PSIP1: variants seen among roughly 807,000 people sequenced by gnomAD.
PSIP1 encodes the protein PC4 and SRSF1 interacting protein 1.
Under a neutral mutation model 74.7 loss-of-function variants are expected in PSIP1, and 19 were observed. That is an observed-to-expected ratio of 0.25 (90% CI 0.18 to 0.37). The LOEUF (loss-of-function observed/expected upper bound fraction) is 0.37. Ranked by LOEUF, PSIP1 falls within the 10% of genes least tolerant of loss-of-function variation. The pLI, the probability that PSIP1 is intolerant of heterozygous loss-of-function variation, is 1.00. For missense variants in PSIP1, 601 were observed against 614.3 expected (o/e 0.98, Z 0.23); for synonymous variants, 222 against 195.3 (o/e 1.14, Z -1.14).
At chr9:15,472,323 A>T in intron 10 of PSIP1, 4 of 1,117,834 alleles carry the variant, frequency 3.6e-6, no homozygotes, top group Non-Finnish European at 4.4e-6. Flanking sequence ...TATATGTATT[A>T]TATTATACAA....
In PSIP1 at chr9:15,472,736, C is replaced by T; in HGVS notation, c.873G>A (p.Gly291=). ...TTCTGTGAGCAGTCTGAAAGTTCCT[C>T]CCACCTTTTCTCTTCTGTTTTGAGA... ...DQEGEKKRKG[G]RNFQTAHRRN... is the part of the protein sequence containing the mutation. Residue 291 remains glycine (G), a synonymous_variant, in exon 10 of 16, where the codon GGG becomes GGA. Transcript: ENST00000380733. 1.2e-6 allele frequency: 2 copies of T among 1,604,928 alleles called. No homozygotes were observed. Among genetic ancestry groups the T allele is most frequent in the Non-Finnish European group, 1.7e-6 (2 of 1,177,824 alleles).
At chr9:15,472,421 CAG>C (rs1447874176) in intron 10 of PSIP1, 91 of 1,354,790 alleles carry the variant, frequency 6.7e-5, no homozygotes, top group Non-Finnish European at 7.8e-5. Context: ...AAATAATTCA[CAG>C]AGTGACTGCC....
intron 3 of PSIP1, among the ~76,000 whole-genome samples, chr9:15,498,538 G>T (rs1169889831): frequency 6.6e-6 from 1 of 151,944 alleles, no homozygotes; most frequent in Non-Finnish European, 1.5e-5. Flanking sequence ...CACGCAGTCC[G>T]ACAGGTTTGG....
intron 6 of PSIP1, among the ~76,000 whole-genome samples, chr9:15,480,770 G>C (rs992800550): frequency 1.3e-5 from 2 of 152,004 alleles, no homozygotes; most frequent in Non-Finnish European, 2.9e-5. Flanking sequence ...AAAAACAAAA[G>C]ATTAGCCAGG....
At chr9:15,507,190 G>T (rs1283395776) in intron 2 of PSIP1, among the ~76,000 whole-genome samples, 1 of 152,180 alleles carries the variant, frequency 6.6e-6, no homozygotes, top group African/African-American at 2.4e-5. Context: ...TGAATCACAT[G>T]AGGCTACCTG....
chr9:15,464,857 C>G lies in PSIP1; in HGVS notation c.*663G>C, dbSNP rs1221240171. On this transcript the variant is annotated 3_prime_UTR_variant, in exon 16 of 16. Transcript: ENST00000380733. ...AATGCCCAGCCACAAAACTAAATTA[C>G]CTTCAAAAATTAATGTTTTATAGTT... 1 of 209,680 alleles carries G rather than the reference C, an allele frequency of 4.8e-6. No individual in the cohort carries two copies. The highest frequency in any genetic ancestry group is 9.7e-6 in the Non-Finnish European group (1 of 103,220). The allele number at this position is 209,680 out of a possible 1,614,324, so 13.0% of individuals were successfully genotyped here.
intron 8 of PSIP1, among the ~76,000 whole-genome samples, chr9:15,475,294 T>G (rs1288632211): frequency 2.6e-5 from 4 of 152,190 alleles, no homozygotes; most frequent in Non-Finnish European, 5.9e-5. Context: ...AGTAAAAGCA[T>G]GCAAGTGAAA....
chr9:15,479,777 C>T (rs572490790), intron 6 of PSIP1, 90 bp from the exon 7 acceptor site: 138 of 945,448 alleles, frequency 1.5e-4, no homozygotes, highest in African/African-American at 6.4e-4. Flanking sequence ...TCTATGGTAA[C>T]GTTGAGTTCA....
intron 6 of PSIP1, among the ~76,000 whole-genome samples, chr9:15,483,336 AG>A (rs1006051429): frequency 6.6e-6 from 1 of 152,060 alleles, no homozygotes; most frequent in African/African-American, 2.4e-5. Context: ...GAGCCACCTT[AG>A]ATTCTAGTTC....
At chr9:15,472,449 C>G in intron 10 of PSIP1, 183 bp downstream of exon 10, 1 of 1,368,278 alleles carries the variant, frequency 7.3e-7, no homozygotes, top group Non-Finnish European at 9.3e-7. Context: ...CAATTTCATC[C>G]TCTCAGAAGA....
intron 8 of PSIP1, among the ~76,000 whole-genome samples, chr9:15,478,118 C>T (rs1028612585): frequency 5.5e-4 from 77 of 139,492 alleles, no homozygotes; most frequent in African/African-American, 2.0e-3. Flanking sequence ...CAGAGTGAAA[C>T]CCCATCTTTA....
At chr9:15,466,672 T>G (rs1010792267) in intron 15 of PSIP1, 76 bp downstream of exon 15, 1 of 1,144,732 alleles carries the variant, frequency 8.7e-7, no homozygotes, top group African/African-American at 1.6e-5. Flanking sequence ...TATAGTAAGA[T>G]AACCTTGGAA....
rs2035483496 is a variant in PSIP1, at chr9:15,464,593, T to C, written c.*927A>G. On this transcript the variant is annotated 3_prime_UTR_variant, in exon 16 of 16. Coordinates refer to ENST00000380733, the MANE Select transcript of PSIP1 (RefSeq NM_033222.5). ...CATGATTTCAAATAGGTGAGTTTCC[T>C]TATATAACATTTATTCATATTTATT... 5.1e-6 allele frequency: 1 copy of C among 197,834 alleles called. No individual in the cohort carries two copies. Among genetic ancestry groups the C allele is most frequent in the Non-Finnish European group, 1.0e-5 (1 of 95,774 alleles). The allele number at this position is 197,834 out of a possible 1,614,324, so 12.3% of individuals were successfully genotyped here. A position where few individuals can be genotyped will look rare whatever the true frequency, so the allele number is the denominator to read the frequency against.
At chr9:15,492,826 G>A (rs1210390421) in intron 3 of PSIP1, among the ~76,000 whole-genome samples, 1 of 152,186 alleles carries the variant, frequency 6.6e-6, no homozygotes, top group Non-Finnish European at 1.5e-5. Context: ...CCAAGGCTTG[G>A]GGCTTGCACC....
At chr9:15,468,868 AT>A (rs778585860) in intron 13 of PSIP1, 25 bp from the exon 14 acceptor site, 1 of 1,605,632 alleles carries the variant, frequency 6.2e-7, no homozygotes, top group Non-Finnish European at 8.5e-7. Flanking sequence ...TACATTCATC[AT>A]AATTGTTTTC....
intron 3 of PSIP1, among the ~76,000 whole-genome samples, chr9:15,493,607 A>G (rs1039586189): frequency 1.3e-5 from 2 of 152,230 alleles, no homozygotes; most frequent in Non-Finnish European, 2.9e-5. Context: ...TAGTTTATAA[A>G]GAAAAGAGGT....
intron 6 of PSIP1, among the ~76,000 whole-genome samples, chr9:15,480,364 A>C (rs1281342644): frequency 2.6e-5 from 4 of 152,242 alleles, no homozygotes; most frequent in Non-Finnish European, 5.9e-5. Context: ...AACTCCCCCA[A>C]CTATTTAGAA....
chr9:15,496,765 T>C (rs907554220), intron 3 of PSIP1, among the ~76,000 whole-genome samples: 2 of 152,214 alleles, frequency 1.3e-5, no homozygotes, highest in Non-Finnish European at 2.9e-5. Flanking sequence ...CTTTTACAAA[T>C]GTAAATTCAT....
intron 9 of PSIP1, among the ~76,000 whole-genome samples, chr9:15,473,757 C>T (rs1018489268): frequency 1.3e-5 from 2 of 151,734 alleles, no homozygotes; most frequent in South Asian, 2.1e-4. Context: ...AAAAATTAGC[C>T]GGTAGTGGTG....
Sources: gnomAD v4.1 joint callset for allele counts (sites outside exome capture counted in the v4.1 genomes callset) on GRCh38, gnomAD v4.1.1 for gene constraint, MANE v1.5 for transcripts, NCBI Gene and HGNC (gene_info 2026-07-23, HGNC 2026-07-21) for gene names.